The following SLC12A3 variants were observed in gnomAD, a reference collection of about 807,000 sequenced individuals.
SLC12A3 encodes Na-Cl cotransporter.
SLC12A3 carries 104 observed loss-of-function variants against 121.0 expected under a neutral mutation model. That is an observed-to-expected ratio of 0.86 (90% CI 0.73 to 1.01). The LOEUF is 1.01. Ranked by LOEUF, SLC12A3 falls within the 50% of genes least tolerant of loss-of-function variation. The pLI, the probability that SLC12A3 is intolerant of heterozygous loss-of-function variation, is 0.00. For synonymous variants in SLC12A3, 536 were observed against 533.4 expected, an observed-to-expected ratio of 1.00 and a Z score of -0.07; for missense variants, 1,328 against 1,356.3, an observed-to-expected ratio of 0.98 and a Z score of 0.33.
chr16:56,866,356 C>G (rs1964357077), intron 1 of SLC12A3, among the ~76,000 whole-genome samples: 1 of 152,132 alleles, frequency 6.6e-6, no homozygotes, highest in South Asian at 2.1e-4. Context: ...CAGAGCAAAC[C>G]AAGACATGGC....
At chr16:56,868,405 CT>C in intron 3 of SLC12A3, 33 bp downstream of exon 3, 2 of 1,581,892 alleles carry the variant, frequency 1.3e-6, no homozygotes, top group Non-Finnish European at 1.7e-6. Flanking sequence ...GGAGGGAGGG[CT>C]TGCCTGAATC....
chr16:56,872,783 C>A lies in SLC12A3; in HGVS notation c.1092C>A (p.Leu364=). ...ILAGANISGD[L]KDPAIAIPKG... is the part of the protein sequence containing the mutation. ...CAGGGGCCAACATATCTGGTGACCT[C>A]AAGGTGAGCAGAATACTTGCCCCTC... Residue 364 remains leucine (L), a synonymous_variant, in exon 8 of 26, where the codon CTC becomes CTA. Coordinates refer to ENST00000563236, the MANE Select transcript of SLC12A3 (RefSeq NM_001126108.2). 6.2e-7 allele frequency: 1 copy of A among 1,614,214 alleles called. No individual in the cohort carries two copies. The highest frequency in any genetic ancestry group is 1.1e-5 in the South Asian group (1 of 91,088).
intron 22 of SLC12A3, among the ~76,000 whole-genome samples, chr16:56,895,340 C>A (rs970523511): frequency 6.6e-6 from 1 of 150,448 alleles, no homozygotes; most frequent in Non-Finnish European, 1.5e-5. Context: ...TAGAGGCGTG[C>A]GCTACCATGC....
At position 56,892,515 on chromosome 16, in the gene SLC12A3, C is replaced by A. The variant is rs558532531; in HGVS notation, c.2419+382C>A. 5.3e-5 allele frequency among the ~76,000 whole-genome samples: 8 copies of A among 152,222 alleles called. No homozygotes were observed. The South Asian group carries it at 1.7e-3, about 32-fold the overall frequency. On this transcript the variant is annotated intron_variant, in intron 20 of 25. Transcript: ENST00000563236. ...TTCAGGGTCACGGCATCATGGGGACCCACCTAGCAGGCTCTGGGGCCCTTG... is the reference window on the plus strand; with the variant it reads ...TTCAGGGTCACGGCATCATGGGGACACACCTAGCAGGCTCTGGGGCCCTTG...
At chr16:56,896,538 A>G (rs1374335450) in intron 22 of SLC12A3, among the ~76,000 whole-genome samples, 1 of 152,184 alleles carries the variant, frequency 6.6e-6, no homozygotes, top group African/African-American at 2.4e-5. Context: ...CTTGAGGCCA[A>G]GGGTTTGAGA....
At chr16:56,904,715 AT>A in intron 25 of SLC12A3, 2 of 481,512 alleles carry the variant, frequency 4.2e-6, no homozygotes, top group South Asian at 4.1e-5. Context: ...TCCCCTTGCC[AT>A]TGCTTTTTCC....
chr16:56,884,906 A>G (rs1421290089), intron 14 of SLC12A3, among the ~76,000 whole-genome samples: 1 of 152,112 alleles, frequency 6.6e-6, no homozygotes, highest in African/African-American at 2.4e-5. Flanking sequence ...AGCTGGGATT[A>G]CAGGTGCATG....
At chr16:56,882,534 C>T (rs778202935) in intron 13 of SLC12A3, 37 bp downstream of exon 13, 3 of 1,531,816 alleles carry the variant, frequency 2.0e-6, no homozygotes, top group African/African-American at 1.4e-5. Flanking sequence ...GAGGAGGCAC[C>T]CAGGGGGCAG....
chr16:56,892,531 G>C (rs1469656014), intron 20 of SLC12A3, among the ~76,000 whole-genome samples: 1 of 152,204 alleles, frequency 6.6e-6, no homozygotes, highest in Non-Finnish European at 1.5e-5. Flanking sequence ...AGCAGGCTCT[G>C]GGGCCCTTGT....
At position 56,884,145 on chromosome 16, in the gene SLC12A3, C is replaced by T; in HGVS notation, c.1766C>T (p.Ala589Val). 6.2e-7 allele frequency: 1 copy of T among 1,614,184 alleles called. No homozygotes were observed. The highest frequency in any genetic ancestry group is 1.3e-5 in the African/African-American group (1 of 75,054). Reference sequence around the variant, plus strand: ...ATGTTCCTCCTCACCTGGTGGGCGGCCCTCATCGCCATTGGCGTGGTGCTC... The same window carrying T: ...ATGTTCCTCCTCACCTGGTGGGCGGTCCTCATCGCCATTGGCGTGGTGCTC... ...VIMFLLTWWA[A>V]LIAIGVVLFL... Residue 589 changes from alanine (A) to valine (V), a missense_variant, in exon 14 of 26, where the codon GCC becomes GTC. Transcript: ENST00000563236.
chr16:56,898,759 C>T (rs2055498908), intron 22 of SLC12A3, among the ~76,000 whole-genome samples: 1 of 152,246 alleles, frequency 6.6e-6, no homozygotes, highest in Non-Finnish European at 1.5e-5. Flanking sequence ...TGTCTTGCTA[C>T]TCCTGGGTCT....
chr16:56,913,532 C>T lies in SLC12A3; in HGVS notation c.*127C>T. 1.0e-6 allele frequency: 1 copy of T among 990,622 alleles called. No homozygotes were observed. The highest frequency in any genetic ancestry group is 1.6e-6 in the Non-Finnish European group (1 of 617,806). The allele number at this position is 990,622 out of a possible 1,614,324, so 61.4% of individuals were successfully genotyped here. A position where few individuals can be genotyped will look rare whatever the true frequency, so the allele number is the denominator to read the frequency against. Reference sequence around the variant, plus strand: ...TTTAAGTGGCAGCATCTGATGATCTCACCGAAAAAGATGGTAGATTTCCAA... The same window carrying T: ...TTTAAGTGGCAGCATCTGATGATCTTACCGAAAAAGATGGTAGATTTCCAA... On this transcript the variant is annotated 3_prime_UTR_variant, in exon 26 of 26. Transcript: ENST00000563236.
chr16:56,875,451 AT>A (rs1349079548), intron 8 of SLC12A3, among the ~76,000 whole-genome samples: 1 of 152,198 alleles, frequency 6.6e-6, no homozygotes, highest in East Asian at 1.9e-4. Flanking sequence ...TTACCATGAT[AT>A]AGACAAGCAA....
chr16:56,865,511 C>T lies in SLC12A3; in HGVS notation c.276C>T (p.Phe92=), dbSNP rs865845958. Residue 92 remains phenylalanine (F), a synonymous_variant, in exon 1 of 26, where the codon TTC becomes TTT. Transcript: ENST00000563236. ...CCACACTGGCTGACCTGCACTCCTT[C>T]CTCAAGGTAAGTGCTGTCTCAGAAG... ...VRPTLADLHS[F]LKQEGRHLHA... 1 of 1,612,136 alleles carries T rather than the reference C, an allele frequency of 6.2e-7. No individual in the cohort carries two copies. Among genetic ancestry groups the T allele is most frequent in the Non-Finnish European group, 8.5e-7 (1 of 1,180,034 alleles).
chr16:56,881,067 C>T (rs532118457), intron 12 of SLC12A3, among the ~76,000 whole-genome samples: 1 of 152,356 alleles, frequency 6.6e-6, no homozygotes, highest in Admixed American at 6.5e-5. Flanking sequence ...GAGGTGGCCA[C>T]ACCAAGCACG....
intron 19 of SLC12A3, among the ~76,000 whole-genome samples, chr16:56,891,568 G>A (rs1294832313): frequency 1.3e-5 from 2 of 152,120 alleles, no homozygotes; most frequent in African/African-American, 4.8e-5. Flanking sequence ...TTACAGAGCA[G>A]TAACTCCACT....
At chr16:56,892,635 AGTGC>A (rs2055404596) in intron 20 of SLC12A3, among the ~76,000 whole-genome samples, 1 of 152,076 alleles carries the variant, frequency 6.6e-6, no homozygotes, top group African/African-American at 2.4e-5. Context: ...GGGGGCCTGA[AGTGC>A]AGGCGGGAGG....
At position 56,886,294 on chromosome 16, in the gene SLC12A3, G is replaced by A. The variant is rs928352600; in HGVS notation, c.1926-70G>A. ...CACCACCATTCAGGGAGCCTGGGAG[G>A]TGCCTTTCGCACCCAGACCCCCGTG... On this transcript the variant is annotated intron_variant, in intron 15 of 25. Coordinates refer to ENST00000563236, the MANE Select transcript of SLC12A3 (RefSeq NM_001126108.2). The A allele has an allele frequency of 2.0e-5, 22 of 1,127,038 alleles. 1 individual carries two copies. The African/African-American group carries it at 2.9e-4, about 15-fold the overall frequency. 69.8% of individuals were successfully genotyped at this position (1,127,038 alleles called of 1,614,324 possible).
At position 56,879,976 on chromosome 16, in the gene SLC12A3, G is replaced by C. The variant is rs55824420; in HGVS notation, c.1444-154G>C. ...TTATGGTAGGGCGGGGAGGGTGGAGGGGGTGAGCATCCCTGTTTAATAGAA... is the reference window on the plus strand; with the variant it reads ...TTATGGTAGGGCGGGGAGGGTGGAGCGGGTGAGCATCCCTGTTTAATAGAA... On this transcript the variant is annotated intron_variant, in intron 11 of 25. Coordinates refer to ENST00000563236, the MANE Select transcript of SLC12A3 (RefSeq NM_001126108.2). Among the ~76,000 whole-genome samples the C allele has an allele frequency of 7.8e-3, 1,190 of 152,162 alleles. 8 individuals are homozygous for C. The highest frequency in any genetic ancestry group is 0.027 in the Middle Eastern group (8 of 294).
Sources: allele counts gnomAD v4.1 joint callset (sites outside exome capture counted in the v4.1 genomes callset), GRCh38; gene constraint gnomAD v4.1.1; transcripts MANE v1.5; gene names NCBI Gene and HGNC (gene_info 2026-07-23, HGNC 2026-07-21).